SMARCA2: variants seen among roughly 807,000 people sequenced by gnomAD.
SMARCA2 encodes the protein SWI/SNF-related matrix-associated actin-dependent regulator of chromatin subfamily A member 2.
A neutral mutation model predicts 199.8 loss-of-function variants in SMARCA2; 61 were observed. The ratio of observed to expected loss-of-function variants is 0.31; its 90% CI spans 0.25 to 0.38. The LOEUF is 0.38. Among genes scored for constraint, SMARCA2 ranks in the 10% least tolerant of loss-of-function variants. The pLI is 1.00. For missense variants in SMARCA2, 1,344 were observed against 2,012.2 expected (o/e 0.67, Z 6.35); for synonymous variants, 935 against 732.0 (o/e 1.28, Z -4.48).
intron 19 of SMARCA2, among the ~76,000 whole-genome samples, chr9:2,091,689 G>C (rs982059695): frequency 6.6e-6 from 1 of 152,168 alleles, no homozygotes; most frequent in African/African-American, 2.4e-5. Context: ...TTGTTTCTTA[G>C]ACTGTCTGAA....
Position 2,161,937 on chromosome 9 carries a change from T to G in SMARCA2, c.4199+34T>G. 3.2e-6 allele frequency: 5 copies of G among 1,568,730 alleles called. No homozygotes were observed. Among genetic ancestry groups the G allele is most frequent in the Non-Finnish European group, 4.4e-6 (5 of 1,141,646 alleles). On this transcript the variant is annotated intron_variant, in intron 28 of 33. Coordinates refer to ENST00000349721, the MANE Select transcript of SMARCA2 (RefSeq NM_003070.5). The surrounding 1 kb of genome is among the most constrained non-coding windows in gnomAD (Gnocchi z 4.7). Reference sequence around the variant, plus strand: ...TTGGTTCCTTCACCTTGATCATCTCTCACCAAGACGCCGAGTGGCGCTCCC... The same window carrying G: ...TTGGTTCCTTCACCTTGATCATCTCGCACCAAGACGCCGAGTGGCGCTCCC...
rs1363176217 is a variant in SMARCA2 at position 2,169,299 on chromosome 9, T to C, written c.4200-1120T>C. ...TCTTTCTGAGGCACCTAACTTGTCA[T>C]TTCATATTGTAACTTTAGAACTCTT... is the stretch of plus-strand genomic sequence containing the variant. On this transcript the variant is annotated intron_variant, in intron 28 of 33. Coordinates refer to ENST00000349721, the MANE Select transcript of SMARCA2 (RefSeq NM_003070.5). The surrounding 1 kb of genome is among the most constrained non-coding windows in gnomAD (Gnocchi z 6.5). 6.6e-6 allele frequency among the ~76,000 whole-genome samples: 1 copy of C among 152,198 alleles called. No homozygotes were observed. The highest frequency in any genetic ancestry group is 1.5e-5 in the Non-Finnish European group (1 of 68,046).
chr9:2,057,779 G>T (rs1355392549), intron 7 of SMARCA2, among the ~76,000 whole-genome samples: 1 of 152,006 alleles, frequency 6.6e-6, no homozygotes, highest in Non-Finnish European at 1.5e-5. Flanking sequence ...AAAAATGTTG[G>T]ATTTTAGTGT....
chr9:2,189,510 A>G lies in SMARCA2; in HGVS notation c.4595-1756A>G, dbSNP rs1445266557. ...AGCCCACACCTGTATAAATGGACATATTTCACTTTGTCTTTCCACACTGTT... is the reference window on the plus strand; with the variant it reads ...AGCCCACACCTGTATAAATGGACATGTTTCACTTTGTCTTTCCACACTGTT... On this transcript the variant is annotated intron_variant, in intron 32 of 33. Coordinates refer to ENST00000349721, the MANE Select transcript of SMARCA2 (RefSeq NM_003070.5). 3.3e-5 allele frequency among the ~76,000 whole-genome samples: 5 copies of G among 152,076 alleles called. No homozygotes were observed. The East Asian group carries it at 9.6e-4, about 29-fold the overall frequency.
In SMARCA2 at chr9:2,193,284, A is replaced by G. The variant is rs1828020407; in HGVS notation, c.*545A>G. ...ACCTGCATATACATTTTTCCATTTT[A>G]TGCTCTATGATCTGAACAAAAGCTT... is the stretch of plus-strand genomic sequence containing the variant. On this transcript the variant is annotated 3_prime_UTR_variant, in exon 34 of 34. Coordinates refer to ENST00000349721, the MANE Select transcript of SMARCA2 (RefSeq NM_003070.5). The G allele has an allele frequency of 6.5e-6, 1 of 152,790 alleles. No homozygotes were observed. The highest frequency in any genetic ancestry group is 1.5e-5 in the Non-Finnish European group (1 of 68,148). The allele number at this position is 152,790 out of a possible 1,614,324, so 9.5% of individuals were successfully genotyped here.
intron 28 of SMARCA2, among the ~76,000 whole-genome samples, chr9:2,166,333 A>G (rs1825928846): frequency 6.6e-6 from 1 of 152,140 alleles, no homozygotes; most frequent in Non-Finnish European, 1.5e-5. Flanking sequence ...GAATTCTGTT[A>G]GCATAACTCA....
intron 27 of SMARCA2, among the ~76,000 whole-genome samples, chr9:2,149,518 A>G (rs1824945366): frequency 6.6e-6 from 1 of 151,498 alleles, no homozygotes; most frequent in South Asian, 2.1e-4. Context: ...AGACTCCTCA[A>G]AAAAACAACA....
At position 2,170,966 on chromosome 9, in the gene SMARCA2, G is replaced by A. The variant is rs1190824966; in HGVS notation, c.4253+494G>A. 2.0e-5 allele frequency among the ~76,000 whole-genome samples: 3 copies of A among 152,204 alleles called. No homozygotes were observed. Among genetic ancestry groups the A allele is most frequent in the Admixed American group, 6.5e-5 (1 of 15,278 alleles). ...ATGGCATGCAGAGGGCAATTGCTGA[G>A]TTGTCTCTTGTTTGTGTGATGGGTT... On this transcript the variant is annotated intron_variant, in intron 29 of 33. Transcript: ENST00000349721. This position sits in a 1 kb window ranked among gnomAD's most constrained non-coding sequence, Gnocchi z 4.7.
chr9:2,179,186 C>G (rs1826836587), intron 29 of SMARCA2, among the ~76,000 whole-genome samples: 1 of 152,090 alleles, frequency 6.6e-6, no homozygotes, highest in African/African-American at 2.4e-5. Context: ...TGGGGGTACA[C>G]AGTAGAGACT....
rs1819493650 is a variant in SMARCA2, at chr9:2,039,661, C to G, written c.551C>G (p.Ala184Gly). Residue 184 changes from alanine (A) to glycine (G), a missense_variant, in exon 4 of 34, where the codon GCT becomes GGT. Coordinates refer to ENST00000349721, the MANE Select transcript of SMARCA2 (RefSeq NM_003070.5). The surrounding 1 kb of genome is among the most constrained non-coding windows in gnomAD (Gnocchi z 4.8). ...CCTGTCCAGCTGCATCAGCTTCGAG[C>G]TCAGATTTTAGCTTATAAAATGCTG... ...FSPVQLHQLR[A>G]QILAYKMLAR... The G allele has an allele frequency of 6.2e-7, 1 of 1,614,086 alleles. No homozygotes were observed. Among genetic ancestry groups the G allele is most frequent in the East Asian group, 2.2e-5 (1 of 44,896 alleles).
intron 19 of SMARCA2, among the ~76,000 whole-genome samples, chr9:2,093,438 G>A (rs781415398): frequency 3.3e-5 from 5 of 152,176 alleles, no homozygotes; most frequent in Non-Finnish European, 7.3e-5. Context: ...GGAGTACACT[G>A]TGTAGGTTAT....
chr9:2,015,365 A>G lies in SMARCA2; in HGVS notation c.-76A>G, dbSNP rs1280669988. The G allele has an allele frequency of 1.3e-5, 2 of 152,302 alleles. No individual in the cohort carries two copies. The highest frequency in any genetic ancestry group is 2.9e-5 in the Non-Finnish European group (2 of 68,100). 9.4% of individuals were successfully genotyped at this position (152,302 alleles called of 1,614,324 possible). On this transcript the variant is annotated 5_prime_UTR_variant, in exon 1 of 34. Transcript: ENST00000349721. ...TGTTTCTGTACTCTGGGTGACTCAG[A>G]GAGGGAAGAGATTCAGCCAGCACAC...
intron 27 of SMARCA2, among the ~76,000 whole-genome samples, chr9:2,156,711 A>T (rs1198290501): frequency 1.3e-5 from 2 of 152,146 alleles, no homozygotes; most frequent in Non-Finnish European, 2.9e-5. Context: ...GATTACAGGC[A>T]TGAGCCACCG....
At position 2,060,939 on chromosome 9, in the gene SMARCA2, C is replaced by G. The variant is rs756130502; in HGVS notation, c.1645C>G (p.Gln549Glu). ...NLTNLVWEHK[Q>E]AQAAKEKKKR... is the part of the protein sequence containing the mutation. ...GACCAATCTGGTTTGGGAGCACAAG[C>G]AAGCCCAGGCAGCCAAAGAGAAGAA... The change falls in exon 9 of 34, where the codon CAA (glutamine) becomes GAA (glutamate). Residue 549 changes from glutamine (Q) to glutamate (E), a missense_variant. This residue lies in a region of SMARCA2 where 68 missense variants were observed against 70.4 expected (regional missense o/e 0.97). Transcript: ENST00000349721. The G allele has an allele frequency of 6.2e-7, 1 of 1,614,072 alleles. No homozygotes were observed. Among genetic ancestry groups the G allele is most frequent in the Non-Finnish European group, 8.5e-7 (1 of 1,179,984 alleles).
chr9:2,159,700 G>GAAAC, intron 27 of SMARCA2: 1 of 1,385,050 alleles, frequency 7.2e-7, no homozygotes, highest in Non-Finnish European at 9.8e-7. Flanking sequence ...TAGGTAGCAT[G>GAAAC]AAACAGCAGA....
chr9:2,077,822 C>G, intron 14 of SMARCA2, 46 bp downstream of exon 14: 1 of 1,546,872 alleles, frequency 6.5e-7, no homozygotes, highest in Non-Finnish European at 8.8e-7. Context: ...TAACCATTTA[C>G]CTAATTTTGA....
chr9:2,058,287 C>T lies in SMARCA2; in HGVS notation c.1348-4C>T, dbSNP rs1456286175. On this transcript the variant is annotated splice_region_variant and splice_polypyrimidine_tract_variant and intron_variant, in intron 7 of 33. Coordinates refer to ENST00000349721, the MANE Select transcript of SMARCA2 (RefSeq NM_003070.5). ...TCCTTTTCTTCCCTTTTTGGATCTT[C>T]TAGGAATACCTGAACAGTATTTTGC... 6.2e-7 allele frequency: 1 copy of T among 1,612,166 alleles called. No individual in the cohort carries two copies.
chr9:2,080,705 A>G (rs984064914), intron 14 of SMARCA2, among the ~76,000 whole-genome samples: 1 of 152,190 alleles, frequency 6.6e-6, no homozygotes, highest in African/African-American at 2.4e-5. Context: ...GGAATCTTGC[A>G]TGGTACAAAG....
At chr9:2,141,224 G>T (rs1436479923) in intron 27 of SMARCA2, among the ~76,000 whole-genome samples, 1 of 152,054 alleles carries the variant, frequency 6.6e-6, no homozygotes, top group African/African-American at 2.4e-5. Flanking sequence ...CCCTGTATTG[G>T]CCAGTGCTAG....
Sources: gnomAD v4.1 joint callset for allele counts (sites outside exome capture counted in the v4.1 genomes callset) on GRCh38, gnomAD v4.1.1 for gene constraint, gnomAD v4.1.1 regional missense constraint, Gnocchi (gnomAD v3.1) non-coding constraint, MANE v1.5 for transcripts, NCBI Gene and HGNC (gene_info 2026-07-23, HGNC 2026-07-21) for gene names.